The following CYYR1 variants were observed in gnomAD, a reference collection of about 807,000 sequenced individuals.
CYYR1 encodes the protein cysteine and tyrosine rich 1.
CYYR1 carries 14 observed loss-of-function variants against 15.2 expected under a neutral mutation model. The ratio of observed to expected loss-of-function variants is 0.92; its 90% CI spans 0.61 to 1.44. The LOEUF (loss-of-function observed/expected upper bound fraction) is 1.44, where lower values mean the gene tolerates loss of function less well. Ranked by LOEUF, CYYR1 falls within the 40% of genes most tolerant of loss-of-function variation. The probability of loss-of-function intolerance (pLI) is 0.00; values close to 1 mark genes in which losing one functional copy is unlikely to be tolerated. For missense variants in CYYR1, 228 were observed against 209.5 expected (o/e 1.09, Z -0.54); for synonymous variants, 80 against 77.4 (o/e 1.03, Z -0.18).
chr21:26,542,184 G>C (rs1409612242), intron 2 of CYYR1, among the ~76,000 whole-genome samples: 1 of 145,798 alleles, frequency 6.9e-6, no homozygotes, highest in South Asian at 2.3e-4. Flanking sequence ...CTTAAGGGCT[G>C]GGAAGATATT....
intron 3 of CYYR1, among the ~76,000 whole-genome samples, chr21:26,471,889 C>T (rs2123363681): frequency 6.6e-6 from 1 of 152,238 alleles, no homozygotes; most frequent in South Asian, 2.1e-4. Context: ...ACATCTGATA[C>T]AGCTGTCTAC....
intron 2 of CYYR1, among the ~76,000 whole-genome samples, chr21:26,534,766 C>T (rs145340671): frequency 4.7e-4 from 72 of 152,170 alleles, no homozygotes; most frequent in African/African-American, 1.6e-3. Flanking sequence ...TTCTTGACTT[C>T]CTTAATCCTG....
At chr21:26,503,496 CA>C (rs1408289788) in intron 2 of CYYR1, 2 of 152,134 alleles carry the variant, frequency 1.3e-5, no homozygotes, top group African/African-American at 4.8e-5. Flanking sequence ...ATCCTCTCTT[CA>C]ACACACTATA....
intron 2 of CYYR1, among the ~76,000 whole-genome samples, chr21:26,503,274 C>G (rs1417351779): frequency 6.6e-6 from 1 of 152,054 alleles, no homozygotes; most frequent in African/African-American, 2.4e-5. Flanking sequence ...TAAATGCTGA[C>G]TTCTTTAGTC....
chr21:26,555,263 T>A (rs1181106200), intron 2 of CYYR1, among the ~76,000 whole-genome samples: 1 of 152,186 alleles, frequency 6.6e-6, no homozygotes, highest in Non-Finnish European at 1.5e-5. Context: ...AAAGTAGAGT[T>A]TTCAGCATTT....
At chr21:26,511,625 A>T (rs2065649740) in intron 2 of CYYR1, among the ~76,000 whole-genome samples, 1 of 152,190 alleles carries the variant, frequency 6.6e-6, no homozygotes, top group African/African-American at 2.4e-5. Flanking sequence ...ATTTTATAAG[A>T]TGTTTTATAT....
At chr21:26,551,827 C>G in intron 2 of CYYR1, 2 of 268,564 alleles carry the variant, frequency 7.4e-6, no homozygotes, top group South Asian at 7.8e-5. Flanking sequence ...GATAAAGCAG[C>G]AGTAGGGTTT....
intron 3 of CYYR1, among the ~76,000 whole-genome samples, chr21:26,479,597 A>G (rs2065146377): frequency 6.6e-6 from 1 of 152,184 alleles, no homozygotes; most frequent in Non-Finnish European, 1.5e-5. Flanking sequence ...ATTTTAATAC[A>G]TGGAACTTCT....
At chr21:26,510,370 C>T (rs1468845172) in intron 2 of CYYR1, among the ~76,000 whole-genome samples, 9 of 152,128 alleles carry the variant, frequency 5.9e-5, no homozygotes, top group African/African-American at 2.2e-4. Context: ...TGATACCTAG[C>T]CAGTGAGGTA....
intron 2 of CYYR1, among the ~76,000 whole-genome samples, chr21:26,528,403 G>A (rs1601795161): frequency 6.6e-6 from 1 of 152,092 alleles, no homozygotes; most frequent in African/African-American, 2.4e-5. Context: ...TGGTAAGGAG[G>A]GAGTTCTTGC....
chr21:26,531,781 C>G (rs993567793), intron 2 of CYYR1, among the ~76,000 whole-genome samples: 1 of 152,080 alleles, frequency 6.6e-6, no homozygotes, highest in African/African-American at 2.4e-5. Flanking sequence ...CCAGGGTATC[C>G]TTAGATCGAT....
At position 26,513,792 on chromosome 21, in the gene CYYR1, T is replaced by C. The variant is rs766188197; in HGVS notation, c.177-33363A>G. Reference sequence around the variant, plus strand: ...AGTCCAAAGAGGAAAAAACCATGCATGCTCAGCAAACTATTGCAAGGACAA... The same window carrying C: ...AGTCCAAAGAGGAAAAAACCATGCACGCTCAGCAAACTATTGCAAGGACAA... On this transcript the variant is annotated intron_variant, in intron 2 of 3. Coordinates refer to ENST00000652641, the MANE Select transcript of CYYR1 (RefSeq NM_001320768.2). 1.8e-4 allele frequency among the ~76,000 whole-genome samples: 28 copies of C among 151,598 alleles called. 1 individual carries two copies. Among genetic ancestry groups the C allele is most frequent in the Admixed American group, 1.6e-3 (25 of 15,198 alleles).
At chr21:26,482,598 TC>T (rs1191379976) in intron 2 of CYYR1, 2 of 758,458 alleles carry the variant, frequency 2.6e-6, no homozygotes, top group African/African-American at 1.9e-5. Context: ...AAAAATCGAC[TC>T]AAAGGAAAGT....
chr21:26,509,745 G>A (rs529638369), intron 2 of CYYR1, among the ~76,000 whole-genome samples: 5 of 152,186 alleles, frequency 3.3e-5, no homozygotes, highest in South Asian at 4.2e-4. Context: ...GTTTGCTACC[G>A]AGGATCTCAC....
At chr21:26,558,929 T>C (rs1395053) in intron 2 of CYYR1, among the ~76,000 whole-genome samples, 93,270 of 152,050 alleles carry the variant, frequency 0.61, 29,286 homozygotes, top group East Asian at 0.76. Flanking sequence ...AATACGTCAA[T>C]CAACAGTATA....
intron 2 of CYYR1, among the ~76,000 whole-genome samples, chr21:26,490,819 C>T (rs2065317145): frequency 6.6e-6 from 1 of 152,180 alleles, no homozygotes. Flanking sequence ...CTCATTTTCT[C>T]ATCCACTCAA....
At chr21:26,519,230 C>T (rs766820491) in intron 2 of CYYR1, among the ~76,000 whole-genome samples, 19 of 151,856 alleles carry the variant, frequency 1.3e-4, no homozygotes, top group South Asian at 4.2e-4. Flanking sequence ...CCTGGAGGGG[C>T]GGGGGAACAG....
At chr21:26,541,211 C>T (rs1171403448) in intron 2 of CYYR1, among the ~76,000 whole-genome samples, 1 of 152,090 alleles carries the variant, frequency 6.6e-6, no homozygotes, top group Non-Finnish European at 1.5e-5. Context: ...TAAAACCCAA[C>T]ATCTGAAGAA....
intron 2 of CYYR1, among the ~76,000 whole-genome samples, chr21:26,521,308 A>G (rs2065801454): frequency 6.6e-6 from 1 of 152,240 alleles, no homozygotes; most frequent in African/African-American, 2.4e-5. Context: ...TGGTTTCCCC[A>G]TCAAATAACC....
Sources: allele counts gnomAD v4.1 joint callset (sites outside exome capture counted in the v4.1 genomes callset), GRCh38; gene constraint gnomAD v4.1.1; transcripts MANE v1.5; gene names NCBI Gene and HGNC (gene_info 2026-07-23, HGNC 2026-07-21).